NUTF2: variants seen among roughly 807,000 people sequenced by gnomAD.
The protein encoded by NUTF2 is placental protein 15.
NUTF2 carries 3 observed loss-of-function variants against 18.5 expected under a neutral mutation model. The ratio of observed to expected loss-of-function variants is 0.16; its 90% CI spans 0.07 to 0.42. The LOEUF (loss-of-function observed/expected upper bound fraction) is 0.42. Among genes scored for constraint, NUTF2 ranks in the 10% least tolerant of loss-of-function variants. NUTF2 has a pLI of 0.99. For missense variants in NUTF2, 44 were observed against 160.7 expected (o/e 0.27, Z 3.93); for synonymous variants, 51 against 57.9 (o/e 0.88, Z 0.54).
chr16:67,855,623 A>G (rs537588672), intron 1 of NUTF2, among the ~76,000 whole-genome samples: 6 of 152,282 alleles, frequency 3.9e-5, no homozygotes, highest in Admixed American at 1.3e-4. Flanking sequence ...GAATGATTCC[A>G]TCAGAGCCAG....
In NUTF2 at chr16:67,854,426, G is replaced by C. The variant is rs77916554; in HGVS notation, c.-30+7441G>C. 9.4e-3 allele frequency among the ~76,000 whole-genome samples: 1,430 copies of C among 152,346 alleles called. 9 individuals carry two copies. The highest frequency in any genetic ancestry group is 0.016 in the Admixed American group (246 of 15,296). The stretch of plus-strand genomic sequence containing the variant: ...CTCCACAGAGGTGGGAGGTTCAGCA[G>C]ACCTGGTCAGGGAGGCTCCTTGGAT... On this transcript the variant is annotated intron_variant, in intron 1 of 4. Transcript: ENST00000219169.
chr16:67,853,030 TTTTTATTTTA>T (rs750869410), intron 1 of NUTF2, among the ~76,000 whole-genome samples: 5 of 152,162 alleles, frequency 3.3e-5, no homozygotes, highest in South Asian at 2.1e-4. Context: ...ATCAGCAGCC[TTTTTATTTTA>T]TTTTATTTTA....
intron 1 of NUTF2, among the ~76,000 whole-genome samples, chr16:67,850,569 T>G (rs2057846904): frequency 6.6e-6 from 1 of 152,142 alleles, no homozygotes; most frequent in South Asian, 2.1e-4. Context: ...TCCTGAGAAT[T>G]CGTTAAATGT....
intron 1 of NUTF2, among the ~76,000 whole-genome samples, chr16:67,852,348 TTTC>T (rs2057866139): frequency 6.6e-6 from 1 of 151,820 alleles, no homozygotes; most frequent in Admixed American, 6.6e-5. Context: ...ATTATCTTTT[TTTC>T]TTTTTTTTTT....
chr16:67,863,693 G>A (rs2057949725), intron 1 of NUTF2, among the ~76,000 whole-genome samples: 1 of 152,198 alleles, frequency 6.6e-6, no homozygotes, highest in African/African-American at 2.4e-5. Flanking sequence ...CTGCTGGGGT[G>A]GAACCCACCT....
intron 1 of NUTF2, among the ~76,000 whole-genome samples, chr16:67,856,897 C>T (rs2151296553): frequency 6.6e-6 from 1 of 152,294 alleles, no homozygotes; most frequent in Non-Finnish European, 1.5e-5. Flanking sequence ...CTCTTGGAGT[C>T]TTTGTTTCCT....
intron 1 of NUTF2, among the ~76,000 whole-genome samples, chr16:67,855,302 T>C (rs939805822): frequency 3.9e-5 from 6 of 152,218 alleles, no homozygotes; most frequent in African/African-American, 1.4e-4. Context: ...TGGGTTTGGC[T>C]GGGAACGTGT....
intron 1 of NUTF2, among the ~76,000 whole-genome samples, chr16:67,853,934 A>G (rs745585732): frequency 1.3e-5 from 2 of 152,148 alleles, no homozygotes; most frequent in Non-Finnish European, 2.9e-5. Flanking sequence ...GGGAACAGCC[A>G]CCACGCCTGG....
At chr16:67,856,455 GC>G (rs1240093183) in intron 1 of NUTF2, among the ~76,000 whole-genome samples, 1 of 149,974 alleles carries the variant, frequency 6.7e-6, no homozygotes, top group Non-Finnish European at 1.5e-5. Context: ...CTCCCAAAGT[GC>G]TGGGATTACA....
rs559235216 is a variant in NUTF2, at chr16:67,857,467, A to C, written c.-29-7635A>C. Among the ~76,000 whole-genome samples the C allele has an allele frequency of 1.1e-3, 166 of 152,292 alleles. 3 individuals are homozygous for C. The highest frequency in any genetic ancestry group is 1.3e-3 in the Non-Finnish European group (87 of 68,010). On this transcript the variant is annotated intron_variant, in intron 1 of 4. Coordinates refer to ENST00000219169, the MANE Select transcript of NUTF2 (RefSeq NM_005796.3). ...GCTGATTGCACTCCATCCTTCAGCCAGGGGAGTGGCGGGCCAGGCAGTTTC... is the reference window on the plus strand; with the variant it reads ...GCTGATTGCACTCCATCCTTCAGCCCGGGGAGTGGCGGGCCAGGCAGTTTC...
At chr16:67,861,339 T>A (rs1312018450) in intron 1 of NUTF2, among the ~76,000 whole-genome samples, 1 of 152,248 alleles carries the variant, frequency 6.6e-6, no homozygotes, top group African/African-American at 2.4e-5. Flanking sequence ...AGACAGTTAT[T>A]TTGAGTTTTG....
intron 1 of NUTF2, chr16:67,855,892 G>A (rs146705624): frequency 2.5e-5 from 11 of 441,698 alleles, no homozygotes; most frequent in South Asian, 7.8e-5. Context: ...TTTGGCGGGG[G>A]GGGGGGATGG....
Position 67,863,729 on chromosome 16 carries a change from A to G in NUTF2, c.-29-1373A>G, listed in dbSNP as rs150746299. On this transcript the variant is annotated intron_variant, in intron 1 of 4. Coordinates refer to ENST00000219169, the MANE Select transcript of NUTF2 (RefSeq NM_005796.3). ...CCTCACTGCTTTGGTTCAGAGTCCT[A>G]TTATCAGGACAGAGGGAGTGGGCTC... Among the ~76,000 whole-genome samples the G allele has an allele frequency of 2.8e-3, 431 of 152,298 alleles. 4 individuals are homozygous for G. Among genetic ancestry groups the G allele is most frequent in the African/African-American group, 1.0e-2 (415 of 41,564 alleles).
intron 1 of NUTF2, among the ~76,000 whole-genome samples, chr16:67,860,060 A>G (rs1463415407): frequency 6.6e-6 from 1 of 151,254 alleles, no homozygotes; most frequent in Admixed American, 6.6e-5. Flanking sequence ...ACTCACTGCA[A>G]GCTCCGCCTC....
In NUTF2 at chr16:67,868,421, G is replaced by C. The variant is rs2057989095; in HGVS notation, c.171+10G>C. ...TGTGGAGAAGTTGTCTGTAAGTAGG[G>C]AAGAAAGCCAGGGTGCAGGTGGCTC... On this transcript the variant is annotated intron_variant, in intron 3 of 4. Transcript: ENST00000219169. 2 of 1,614,158 alleles carry C rather than the reference G, an allele frequency of 1.2e-6. No homozygotes were observed. The highest frequency in any genetic ancestry group is 2.7e-5 in the African/African-American group (2 of 75,036).
chr16:67,860,172 G>A (rs1032668206), intron 1 of NUTF2, among the ~76,000 whole-genome samples: 4 of 151,976 alleles, frequency 2.6e-5, no homozygotes, highest in African/African-American at 7.3e-5. Flanking sequence ...GTAGAGACGG[G>A]GTTTCACCAT....
At chr16:67,856,169 C>G (rs1490308828) in intron 1 of NUTF2, 9 of 350,774 alleles carry the variant, frequency 2.6e-5, no homozygotes, top group Non-Finnish European at 4.3e-5. Context: ...TGGCTCTCAG[C>G]TGTTTGCATC....
intron 1 of NUTF2, among the ~76,000 whole-genome samples, chr16:67,848,260 C>T (rs185698097): frequency 3.4e-4 from 52 of 152,278 alleles, no homozygotes; most frequent in Admixed American, 3.3e-3. Context: ...GCGTTGATTT[C>T]TCTGAGCCGC....
At chr16:67,856,821 A>T (rs1008745502) in intron 1 of NUTF2, among the ~76,000 whole-genome samples, 1 of 152,122 alleles carries the variant, frequency 6.6e-6, no homozygotes, top group Non-Finnish European at 1.5e-5. Context: ...CATCTCGGCC[A>T]GTTTTGTGGA....
Sources: allele counts gnomAD v4.1 joint callset (sites outside exome capture counted in the v4.1 genomes callset), GRCh38; gene constraint gnomAD v4.1.1; transcripts MANE v1.5; gene names NCBI Gene and HGNC (gene_info 2026-07-23, HGNC 2026-07-21).